Variants in ADGRL2 observed in about 807,000 individuals in gnomAD.
The protein encoded by ADGRL2 is calcium-independent alpha-latrotoxin receptor 2.
ADGRL2 carries 44 observed loss-of-function variants against 157.4 expected under a neutral mutation model. The ratio of observed to expected loss-of-function variants is 0.28; its 90% CI spans 0.22 to 0.36. The LOEUF is 0.36. Ranked by LOEUF, ADGRL2 falls within the 10% of genes least tolerant of loss-of-function variation. ADGRL2 has a pLI of 1.00. For missense variants in ADGRL2, 1,510 were observed against 1,768.9 expected (o/e 0.85, Z 2.63); for synonymous variants, 585 against 624.7 (o/e 0.94, Z 0.95).
chr1:81,608,472 A>T (rs1380006702), intron 3 of ADGRL2, among the ~76,000 whole-genome samples: 1 of 152,236 alleles, frequency 6.6e-6, no homozygotes, highest in Non-Finnish European at 1.5e-5. Flanking sequence ...AGGGAAAAAG[A>T]GCACTATACT....
At chr1:81,854,914 CAT>C (rs71575362) in intron 2 of ADGRL2, among the ~76,000 whole-genome samples, 21,331 of 152,046 alleles carry the variant, frequency 0.14, 1,648 homozygotes, top group East Asian at 0.19. Context: ...CCAGATGACT[CAT>C]GTGGAAGAGT....
At chr1:81,362,457 A>G (rs569323369) in intron 1 of ADGRL2, among the ~76,000 whole-genome samples, 23 of 152,054 alleles carry the variant, frequency 1.5e-4, no homozygotes, top group African/African-American at 5.5e-4. Context: ...TTTAGTCATT[A>G]CATGGGATTA....
chr1:81,812,313 G>GA (rs1439009178), intron 1 of ADGRL2, among the ~76,000 whole-genome samples: 1 of 151,394 alleles, frequency 6.6e-6, no homozygotes, highest in Non-Finnish European at 1.5e-5. Context: ...ATTTTTGTTT[G>GA]AAAAAATTGT....
chr1:81,984,967 A>G (rs1227323686), intron 20 of ADGRL2, among the ~76,000 whole-genome samples: 3 of 152,130 alleles, frequency 2.0e-5, no homozygotes, highest in Non-Finnish European at 4.4e-5. Context: ...ATATAGCACA[A>G]TGCTCATAGC....
At chr1:81,309,221 G>A (rs939578484) in intron 1 of ADGRL2, among the ~76,000 whole-genome samples, 11 of 152,014 alleles carry the variant, frequency 7.2e-5, no homozygotes, top group African/African-American at 2.2e-4. Flanking sequence ...CTGTAATACC[G>A]TATATATTTC....
chr1:81,431,964 G>C (rs1001607674), intron 1 of ADGRL2, among the ~76,000 whole-genome samples: 4 of 152,152 alleles, frequency 2.6e-5, no homozygotes, highest in African/African-American at 9.7e-5. Context: ...AGGTTCGGGG[G>C]TGTTGTATTA....
intron 3 of ADGRL2, among the ~76,000 whole-genome samples, chr1:81,599,509 T>C (rs983469571): frequency 6.6e-6 from 1 of 152,086 alleles, no homozygotes; most frequent in Non-Finnish European, 1.5e-5. Context: ...AGTGTGTAGA[T>C]GTTGTCTGAG....
At chr1:81,747,441 C>G (rs1407685933) in intron 1 of ADGRL2, among the ~76,000 whole-genome samples, 1 of 151,658 alleles carries the variant, frequency 6.6e-6, no homozygotes, top group Admixed American at 6.6e-5. Flanking sequence ...GCTGGGATTA[C>G]AGGCGCATGC....
At chr1:81,599,608 GT>G (rs1416836251) in intron 3 of ADGRL2, among the ~76,000 whole-genome samples, 5 of 152,124 alleles carry the variant, frequency 3.3e-5, no homozygotes, top group African/African-American at 1.2e-4. Context: ...ATTTCATTGG[GT>G]TTAATAATTA....
intron 1 of ADGRL2, among the ~76,000 whole-genome samples, chr1:81,425,836 G>C (rs1363762491): frequency 6.6e-6 from 1 of 151,406 alleles, no homozygotes; most frequent in East Asian, 1.9e-4. Context: ...TATAACAAAA[G>C]ACAGCTTAAC....
intron 1 of ADGRL2, among the ~76,000 whole-genome samples, chr1:81,371,191 C>A (rs1030230582): frequency 1.3e-5 from 2 of 152,158 alleles, no homozygotes; most frequent in African/African-American, 4.8e-5. Context: ...TAGAACCGAC[C>A]ACCTCACCCT....
chr1:81,894,797 T>A (rs1413759634), intron 2 of ADGRL2, among the ~76,000 whole-genome samples: 1 of 152,090 alleles, frequency 6.6e-6, no homozygotes, highest in Non-Finnish European at 1.5e-5. Context: ...TTATTACCAA[T>A]AGAATTAGTG....
intron 2 of ADGRL2, among the ~76,000 whole-genome samples, chr1:81,445,645 C>T (rs181777424): frequency 5.7e-4 from 87 of 152,234 alleles, no homozygotes; most frequent in African/African-American, 2.0e-3. Flanking sequence ...TTATACATTC[C>T]TAGAAGCTAT....
chr1:81,634,477 T>C lies in ADGRL2; in HGVS notation c.-143+53497T>C, dbSNP rs191105431. ...ATCTCCCTCCATGTTCCCCCCACTATGCTCCAATTATGTTAGCTTTAAGTT... is the reference window on the plus strand; with the variant it reads ...ATCTCCCTCCATGTTCCCCCCACTACGCTCCAATTATGTTAGCTTTAAGTT... On this transcript the variant is annotated intron_variant, in intron 3 of 24. Coordinates refer to the ADGRL2 transcript ENST00000370721. Among the ~76,000 whole-genome samples, 375 of 151,954 alleles carry C rather than the reference T, an allele frequency of 2.5e-3. 1 individual carries two copies. The highest frequency in any genetic ancestry group is 3.7e-3 in the Non-Finnish European group (251 of 67,962).
At chr1:81,966,679 G>A in intron 13 of ADGRL2, 70 bp downstream of exon 13, 2 of 1,364,860 alleles carry the variant, frequency 1.5e-6, no homozygotes, top group South Asian at 2.4e-5. Context: ...CAAAACTGAG[G>A]TGCTGGGGAT....
At chr1:81,885,750 G>A (rs934741697) in intron 2 of ADGRL2, among the ~76,000 whole-genome samples, 3 of 152,114 alleles carry the variant, frequency 2.0e-5, no homozygotes, top group Admixed American at 6.5e-5. Context: ...GATTCATTGC[G>A]ATTTATTATT....
At chr1:81,542,701 A>G (rs926992186) in intron 2 of ADGRL2, among the ~76,000 whole-genome samples, 2 of 152,240 alleles carry the variant, frequency 1.3e-5, no homozygotes, top group South Asian at 2.1e-4. Context: ...TATCAATTCA[A>G]TAAGTAGAAT....
chr1:81,316,907 A>G (rs1386876254), intron 1 of ADGRL2, among the ~76,000 whole-genome samples: 1 of 152,162 alleles, frequency 6.6e-6, no homozygotes, highest in Non-Finnish European at 1.5e-5. Flanking sequence ...ACCCCGATTT[A>G]GGGCATCTAG....
At chr1:81,458,796 C>T (rs1362907608) in intron 2 of ADGRL2, among the ~76,000 whole-genome samples, 1 of 152,182 alleles carries the variant, frequency 6.6e-6, no homozygotes, top group Non-Finnish European at 1.5e-5. Flanking sequence ...TCTGAGCCCC[C>T]AGGAAATGTT....
Sources: allele counts gnomAD v4.1 joint callset (sites outside exome capture counted in the v4.1 genomes callset), GRCh38; gene constraint gnomAD v4.1.1; transcripts MANE v1.5; gene names NCBI Gene and HGNC (gene_info 2026-07-23, HGNC 2026-07-21).